The following NBEAL1 variants were observed in gnomAD, a reference collection of about 807,000 sequenced individuals.
NBEAL1 encodes neurobeachin like 1.
A neutral mutation model predicts 351.3 loss-of-function variants in NBEAL1; 273 were observed. The observed-to-expected ratio is 0.78, with a 90% CI of 0.70 to 0.86. The LOEUF is 0.86. Ranked by LOEUF, NBEAL1 falls within the 40% of genes least tolerant of loss-of-function variation. The pLI, the probability that NBEAL1 is intolerant of heterozygous loss-of-function variation, is 0.00. For missense variants in NBEAL1, 2,961 were observed against 3,201.3 expected (o/e 0.92, Z 1.81); for synonymous variants, 1,050 against 1,086.4 (o/e 0.97, Z 0.66).
intron 36 of NBEAL1, among the ~76,000 whole-genome samples, chr2:203,159,796 T>G (rs373428965): frequency 6.6e-6 from 1 of 152,152 alleles, no homozygotes; most frequent in East Asian, 1.9e-4. Context: ...GTTTGAACTT[T>G]TGAGGAATTA....
intron 3 of NBEAL1, among the ~76,000 whole-genome samples, chr2:203,047,252 C>A (rs1018160284): frequency 2.7e-5 from 4 of 150,236 alleles, no homozygotes; most frequent in South Asian, 2.1e-4. Context: ...AAAAAAAAAA[C>A]AAACACATAC....
chr2:203,063,667 CT>C (rs1294808176), intron 6 of NBEAL1, among the ~76,000 whole-genome samples: 1 of 152,160 alleles, frequency 6.6e-6, no homozygotes, highest in African/African-American at 2.4e-5. Context: ...TGAGTTTCTA[CT>C]TTGTGACTAG....
chr2:203,160,309 G>T (rs1185208922), intron 36 of NBEAL1, among the ~76,000 whole-genome samples: 1 of 152,040 alleles, frequency 6.6e-6, no homozygotes, highest in Non-Finnish European at 1.5e-5. Flanking sequence ...TCAAACTCCT[G>T]ACCTCAGGTG....
intron 6 of NBEAL1, among the ~76,000 whole-genome samples, chr2:203,057,853 T>A (rs1204981818): frequency 6.6e-6 from 1 of 151,536 alleles, no homozygotes; most frequent in Non-Finnish European, 1.5e-5. Context: ...TTTTGTCTTT[T>A]TGAGACAGAG....
chr2:203,101,129 C>T (rs2062310571), intron 12 of NBEAL1, among the ~76,000 whole-genome samples: 1 of 151,822 alleles, frequency 6.6e-6, no homozygotes, highest in African/African-American at 2.4e-5. Context: ...GAAATCTTTG[C>T]CAGGTCCTAT....
chr2:203,032,934 G>A (rs1277868518), intron 2 of NBEAL1, among the ~76,000 whole-genome samples: 1 of 151,514 alleles, frequency 6.6e-6, no homozygotes, highest in Non-Finnish European at 1.5e-5. Flanking sequence ...CAAAGTGCTG[G>A]GATTACAGGC....
intron 41 of NBEAL1, 76 bp downstream of exon 41, chr2:203,172,929 CA>C (rs1211913008): frequency 1.5e-5 from 20 of 1,369,760 alleles, no homozygotes; most frequent in South Asian, 5.2e-5. Context: ...TATGGCCAAC[CA>C]AAAAAATTTT....
intron 53 of NBEAL1, among the ~76,000 whole-genome samples, chr2:203,209,995 C>T (rs938605502): frequency 9.9e-5 from 15 of 152,062 alleles, no homozygotes; most frequent in African/African-American, 3.6e-4. Flanking sequence ...AAGCGATCCT[C>T]CTGCTTTGGA....
At chr2:203,076,447 A>T (rs1429771614) in intron 7 of NBEAL1, among the ~76,000 whole-genome samples, 1 of 146,268 alleles carries the variant, frequency 6.8e-6, no homozygotes, top group Non-Finnish European at 1.5e-5. Flanking sequence ...ATTGCCCTCC[A>T]GCCTAGGCAA....
At chr2:203,159,085 C>T (rs2063877613) in intron 36 of NBEAL1, among the ~76,000 whole-genome samples, 1 of 152,072 alleles carries the variant, frequency 6.6e-6, no homozygotes, top group Non-Finnish European at 1.5e-5. Flanking sequence ...TCCCAAAGTG[C>T]TTGGATTACA....
intron 35 of NBEAL1, among the ~76,000 whole-genome samples, chr2:203,154,732 G>T (rs1357913616): frequency 1.3e-5 from 2 of 151,948 alleles, no homozygotes; most frequent in East Asian, 3.9e-4. Flanking sequence ...AAATGTATCA[G>T]TAAAAATATT....
At chr2:203,075,365 A>G (rs1447420750) in intron 7 of NBEAL1, among the ~76,000 whole-genome samples, 2 of 152,166 alleles carry the variant, frequency 1.3e-5, no homozygotes, top group African/African-American at 2.4e-5. Flanking sequence ...CCACCCAGCA[A>G]TCTTATGATG....
rs1475559890 is a variant in NBEAL1, at chr2:203,222,234, G to C, written c.*4880G>C. Among the ~76,000 whole-genome samples, 7 of 152,078 alleles carry C rather than the reference G, an allele frequency of 4.6e-5. No individual in the cohort carries two copies. Among genetic ancestry groups the C allele is most frequent in the African/African-American group, 1.7e-4 (7 of 41,404 alleles). On this transcript the variant is annotated 3_prime_UTR_variant, in exon 56 of 56. Coordinates refer to ENST00000683969, the MANE Select transcript of NBEAL1 (RefSeq NM_001378026.1). ...TAAATCTGGCAGTTTCTAGGCCAGT[G>C]GTTCTTAATGGATATTACAGATCAG... is the stretch of plus-strand genomic sequence containing the variant.
intron 10 of NBEAL1, among the ~76,000 whole-genome samples, chr2:203,093,468 C>T (rs1200244836): frequency 1.3e-5 from 2 of 152,040 alleles, no homozygotes; most frequent in African/African-American, 2.4e-5. Flanking sequence ...AATTTACATC[C>T]GGAATCATGA....
chr2:203,180,623 G>C, intron 43 of NBEAL1, 111 bp downstream of exon 43: 1 of 1,015,308 alleles, frequency 9.8e-7, no homozygotes, highest in Non-Finnish European at 1.4e-6. Flanking sequence ...GATTCATTCT[G>C]TCTGTGGATT....
At chr2:203,172,487 C>T (rs1438386408) in intron 40 of NBEAL1, among the ~76,000 whole-genome samples, 2 of 152,060 alleles carry the variant, frequency 1.3e-5, no homozygotes, top group African/African-American at 4.8e-5. Flanking sequence ...TGACACTGCA[C>T]TCCAGCCTGG....
intron 17 of NBEAL1, 129 bp from the exon 18 acceptor site, chr2:203,115,856 C>A: frequency 1.8e-6 from 1 of 557,248 alleles, no homozygotes; most frequent in Non-Finnish European, 3.1e-6. Context: ...TAAATTTTAG[C>A]TTAATGAGTT....
At chr2:203,116,114 T>C (rs967305005) in intron 18 of NBEAL1, 44 bp downstream of exon 18, 2 of 1,301,250 alleles carry the variant, frequency 1.5e-6, no homozygotes, top group South Asian at 1.3e-5. Context: ...ATAACTATGT[T>C]GTGAACTGCA....
chr2:203,157,672 T>G, intron 35 of NBEAL1, 27 bp from the exon 36 acceptor site: 1 of 1,532,090 alleles, frequency 6.5e-7, no homozygotes, highest in Non-Finnish European at 8.7e-7. Flanking sequence ...TACTTTATGT[T>G]TAATAGATAT....
Sources: gnomAD v4.1 joint callset for allele counts (sites outside exome capture counted in the v4.1 genomes callset) on GRCh38, gnomAD v4.1.1 for gene constraint, MANE v1.5 for transcripts, NCBI Gene and HGNC (gene_info 2026-07-23, HGNC 2026-07-21) for gene names.